The following SKI variants were observed in gnomAD, a reference collection of about 807,000 sequenced individuals.
SKI encodes ski oncogene.
A neutral mutation model predicts 59.3 loss-of-function variants in SKI; 23 were observed. That is an observed-to-expected ratio of 0.39 (90% CI 0.28 to 0.55). The LOEUF is 0.55. Ranked by LOEUF, SKI falls within the 20% of genes least tolerant of loss-of-function variation. SKI has a pLI of 0.67. For synonymous variants in SKI, 673 were observed against 488.6 expected (o/e 1.38, Z -4.98); for missense variants, 1,017 against 1,038.9 (o/e 0.98, Z 0.29).
At chr1:2,306,302 G>A (rs947494846) in intron 6 of SKI, 52 bp downstream of exon 6, 12 of 1,441,280 alleles carry the variant, frequency 8.3e-6, no homozygotes, top group African/African-American at 5.7e-5. Context: ...TGGAGCCGCC[G>A]TGGGCCCCGG....
rs1459796565 is a variant in SKI, at chr1:2,309,379, C to T, written c.*2614C>T. 1 of 152,174 alleles carries T rather than the reference C, an allele frequency of 6.6e-6. No individual in the cohort carries two copies. The highest frequency in any genetic ancestry group is 1.5e-5 in the Non-Finnish European group (1 of 68,032). 9.4% of individuals were successfully genotyped at this position (152,174 alleles called of 1,614,324 possible). A position where few individuals can be genotyped will look rare whatever the true frequency, so the allele number is the denominator to read the frequency against. ...AAAACAACAGCAATAACATTCATAT[C>T]TCTGGAGCAGCTAACTCATACACGT... On this transcript the variant is annotated 3_prime_UTR_variant, in exon 7 of 7. Transcript: ENST00000378536.
chr1:2,294,595 G>A (rs933625904), intron 1 of SKI, among the ~76,000 whole-genome samples: 2 of 152,272 alleles, frequency 1.3e-5, no homozygotes, highest in African/African-American at 4.8e-5. Flanking sequence ...TCCACTGAAC[G>A]TGGGTCCACG....
At chr1:2,289,797 G>A (rs1409431374) in intron 1 of SKI, among the ~76,000 whole-genome samples, 1 of 152,168 alleles carries the variant, frequency 6.6e-6, no homozygotes, top group Non-Finnish European at 1.5e-5. Flanking sequence ...AGCAGAGAAG[G>A]GGTTGTCCTC....
chr1:2,255,891 C>T (rs879847663), intron 1 of SKI, among the ~76,000 whole-genome samples: 1 of 151,692 alleles, frequency 6.6e-6, no homozygotes, highest in African/African-American at 2.4e-5. Flanking sequence ...CTCTCTCTGT[C>T]CTGACCTCAT....
intron 1 of SKI, among the ~76,000 whole-genome samples, chr1:2,253,475 CCTTGGACACACA>C (rs772645650): frequency 2.0e-5 from 3 of 152,308 alleles, no homozygotes; most frequent in Middle Eastern, 3.4e-3. Context: ...TGCAGGTCGT[CCTTGGACACACA>C]CTTGGAGGAA....
chr1:2,259,916 G>A (rs181794299), intron 1 of SKI, among the ~76,000 whole-genome samples: 6 of 152,342 alleles, frequency 3.9e-5, no homozygotes, highest in African/African-American at 9.6e-5. Flanking sequence ...CCATTTGCCC[G>A]TTGGAGCGTG....
intron 1 of SKI, among the ~76,000 whole-genome samples, chr1:2,258,020 G>A (rs1639309485): frequency 6.6e-6 from 1 of 152,236 alleles, no homozygotes; most frequent in Non-Finnish European, 1.5e-5. Context: ...TTACAGGCTT[G>A]ATCCACTGTG....
chr1:2,285,163 G>T (rs917947422), intron 1 of SKI, among the ~76,000 whole-genome samples: 2 of 152,042 alleles, frequency 1.3e-5, no homozygotes, highest in Non-Finnish European at 2.9e-5. Context: ...ATTTCCATCT[G>T]CCCTGACGTC....
At chr1:2,257,488 C>T (rs543122213) in intron 1 of SKI, among the ~76,000 whole-genome samples, 1 of 152,370 alleles carries the variant, frequency 6.6e-6, no homozygotes, top group South Asian at 2.1e-4. Context: ...TCTGCCTCTG[C>T]AGCTGCTTGG....
rs1639235469 is a variant in SKI, at chr1:2,254,663, G to C, written c.969+24928G>C. On this transcript the variant is annotated intron_variant, in intron 1 of 6. Coordinates refer to ENST00000378536, the MANE Select transcript of SKI (RefSeq NM_003036.4). ...AGGGGTGAAGTGGACTGGGAGGTAG[G>C]AGCCGAATTGGAGTCTTCTCTTTGT... Among the ~76,000 whole-genome samples the C allele has an allele frequency of 2.0e-5, 3 of 152,204 alleles. No homozygotes were observed. In the South Asian group the frequency reaches 6.2e-4, roughly 31 times the overall value.
chr1:2,294,215 G>T (rs942131919), intron 1 of SKI, among the ~76,000 whole-genome samples: 3 of 152,248 alleles, frequency 2.0e-5, no homozygotes, highest in African/African-American at 7.2e-5. Context: ...AGCTCCGCAG[G>T]ATTCAGCTGC....
chr1:2,291,579 T>A lies in SKI; in HGVS notation c.970-11399T>A, dbSNP rs893400552. ...AGGGAGCCCTCCCCGGGACAGCAGC[T>A]GGACCAGAACAGAAGCTGGGCCCTC... On this transcript the variant is annotated intron_variant, in intron 1 of 6. Transcript: ENST00000378536. 6.6e-5 allele frequency among the ~76,000 whole-genome samples: 10 copies of A among 152,290 alleles called. 1 individual carries two copies. The highest frequency in any genetic ancestry group is 2.4e-4 in the African/African-American group (10 of 41,578).
At chr1:2,238,513 C>T (rs538415646) in intron 1 of SKI, among the ~76,000 whole-genome samples, 10 of 152,234 alleles carry the variant, frequency 6.6e-5, no homozygotes, top group Non-Finnish European at 1.0e-4. Context: ...CGGGCACTCC[C>T]AGCCTTGAGA....
rs1001928156 is a variant in SKI at position 2,228,546 on chromosome 1, G to T, written c.-221G>T. On this transcript the variant is annotated 5_prime_UTR_variant, in exon 1 of 7. Transcript: ENST00000378536. ...GCGGGGCGCGTGGATGTGGCGCCGG[G>T]CCCGGGCGGCGGCGGGCTCCAGCGG... is the stretch of plus-strand genomic sequence containing the variant. 3.5e-5 allele frequency: 5 copies of T among 143,388 alleles called. No individual in the cohort carries two copies. Among genetic ancestry groups the T allele is most frequent in the Admixed American group, 3.4e-4 (5 of 14,526 alleles). 8.9% of individuals were successfully genotyped at this position (143,388 alleles called of 1,614,324 possible). A position where few individuals can be genotyped will look rare whatever the true frequency, so the allele number is the denominator to read the frequency against.
Position 2,262,203 on chromosome 1 carries a change from C to T in SKI, c.969+32468C>T, listed in dbSNP as rs539120719. Among the ~76,000 whole-genome samples the T allele has an allele frequency of 1.9e-4, 26 of 140,210 alleles. 1 individual carries two copies. In the East Asian group the frequency reaches 5.1e-3, roughly 28 times the overall value. The allele number at this position is 140,210 out of a possible 152,430, so 92.0% of individuals were successfully genotyped here. A position where few individuals can be genotyped will look rare whatever the true frequency, so the allele number is the denominator to read the frequency against. On this transcript the variant is annotated intron_variant, in intron 1 of 6. Coordinates refer to ENST00000378536, the MANE Select transcript of SKI (RefSeq NM_003036.4). ...TCTCTTGATCTCCTAGTCTGGAAGG[C>T]GTGGAATCAGAGTTTGGATGGGAGT...
At chr1:2,293,964 C>G (rs1640227497) in intron 1 of SKI, among the ~76,000 whole-genome samples, 1 of 152,266 alleles carries the variant, frequency 6.6e-6, no homozygotes, top group African/African-American at 2.4e-5. Context: ...GGGGGCCACT[C>G]TGGGCTTTTC....
chr1:2,242,020 G>A (rs191055600), intron 1 of SKI, among the ~76,000 whole-genome samples: 11 of 152,272 alleles, frequency 7.2e-5, no homozygotes, highest in Non-Finnish European at 1.3e-4. Context: ...GGGCTGTGGG[G>A]ACAGTCCCGC....
At position 2,309,937 on chromosome 1, in the gene SKI, C is replaced by CTT. The variant is rs112413214; in HGVS notation, c.*3181_*3182dup. The CTT allele has an allele frequency of 0.34, 38,344 of 111,298 alleles. 7,054 individuals carry two copies. The highest frequency in any genetic ancestry group is 0.48 in the South Asian group (1,428 of 2,948). The allele number at this position is 111,298 out of a possible 1,614,324, so 6.9% of individuals were successfully genotyped here. A position where few individuals can be genotyped will look rare whatever the true frequency, so the allele number is the denominator to read the frequency against. ...GCTTTAAGTCAGGAGTCACAAATGACTTTTTTTTTTCAATTAAGGAAAAAG... is the reference window on the plus strand; with the variant it reads ...GCTTTAAGTCAGGAGTCACAAATGACTTTTTTTTTTTTCAATTAAGGAAAAAG... On this transcript the variant is annotated 3_prime_UTR_variant, in exon 7 of 7. Transcript: ENST00000378536.
Position 2,304,339 on chromosome 1 carries a change from C to G in SKI, c.1521C>G (p.Ser507=). 1 of 1,551,658 alleles carries G rather than the reference C, an allele frequency of 6.4e-7. No individual in the cohort carries two copies. Among genetic ancestry groups the G allele is most frequent in the Non-Finnish European group, 8.7e-7 (1 of 1,146,938 alleles). ...SSLSSPSFTS[S]SSAKDLGSPG... is the part of the protein sequence containing the mutation. Reference sequence around the variant, plus strand: ...TCTCTTCCCCGTCCTTTACCTCATCCAGCTCCGCCAAGGACCTGGGCTCCC... The same window carrying G: ...TCTCTTCCCCGTCCTTTACCTCATCGAGCTCCGCCAAGGACCTGGGCTCCC... Residue 507 remains serine (S), a synonymous_variant, in exon 5 of 7, where the codon TCC becomes TCG. Coordinates refer to ENST00000378536, the MANE Select transcript of SKI (RefSeq NM_003036.4).
Sources: allele counts gnomAD v4.1 joint callset (sites outside exome capture counted in the v4.1 genomes callset), GRCh38; gene constraint gnomAD v4.1.1; transcripts MANE v1.5; gene names NCBI Gene and HGNC (gene_info 2026-07-23, HGNC 2026-07-21).